The following DLAT variants were observed in gnomAD, a reference collection of about 807,000 sequenced individuals.
DLAT encodes dihydrolipoyllysine-residue acetyltransferase component of pyruvate dehydrogenase complex, mitochondrial.
Under a neutral mutation model 68.0 loss-of-function variants are expected in DLAT, and 43 were observed. The ratio of observed to expected loss-of-function variants is 0.63; its 90% confidence interval spans 0.50 to 0.81. DLAT has a LOEUF of 0.81. DLAT is among the 40% of genes least tolerant of loss of function. The pLI, the probability that DLAT is intolerant of heterozygous loss-of-function variation, is 0.00. For missense variants in DLAT, 745 were observed against 815.4 expected (o/e 0.91, Z 1.05); for synonymous variants, 265 against 288.6 (o/e 0.92, Z 0.83).
Position 112,039,287 on chromosome 11 carries a change from C to G in DLAT, c.1019C>G (p.Pro340Arg). 3.1e-6 allele frequency: 5 copies of G among 1,614,078 alleles called. No homozygotes were observed. The highest frequency in any genetic ancestry group is 4.2e-6 in the Non-Finnish European group (5 of 1,180,012). ...PPTPQPLAPT[P>R]SAPCPATPAG... The stretch of plus-strand genomic sequence containing the variant: ...ACTCCCCAGCCTTTAGCTCCTACAC[C>G]TTCAGCACCCTGCCCAGCTACTCCT... The change falls in exon 7 of 14, where the codon CCT becomes CGT. Residue 340 changes from proline to arginine, a missense_variant. By Grantham distance (103) the Pro-to-Arg change is moderately radical. Coordinates refer to ENST00000280346, the MANE Select transcript of DLAT (RefSeq NM_001931.5).
chr11:112,044,378 A>G (rs1466035399), intron 8 of DLAT, among the ~76,000 whole-genome samples: 1 of 152,118 alleles, frequency 6.6e-6, no homozygotes, highest in African/African-American at 2.4e-5. Context: ...TATGTTTAGT[A>G]GAGACAGGGT....
Position 112,051,251 on chromosome 11 carries a change from C to T in DLAT, c.1416C>T (p.Ser472=), listed in dbSNP as rs782100801. ...CTTTCCAGATATTAGAAGGGAGAAG[C>T]AAAATTTCTGTCAATGACTTCATCA... The part of the protein sequence containing the change: ...KELNKILEGR[S]KISVNDFIIK... The change falls in exon 11 of 14, where the codon AGC becomes AGT. Residue 472 remains serine, a synonymous_variant. Transcript: ENST00000280346. The surrounding 1 kb of genome is among the most constrained non-coding windows in gnomAD (Gnocchi z 4.3). 3.7e-6 allele frequency: 6 copies of T among 1,611,890 alleles called. No individual in the cohort carries two copies. In the South Asian group the frequency reaches 6.6e-5, roughly 18 times the overall value.
At chr11:112,057,766 T>C (rs1864190090) in intron 11 of DLAT, among the ~76,000 whole-genome samples, 1 of 150,790 alleles carries the variant, frequency 6.6e-6, no homozygotes, top group Non-Finnish European at 1.5e-5. Flanking sequence ...ATTCAGAAGA[T>C]ACAGCTAAGA....
intron 11 of DLAT, among the ~76,000 whole-genome samples, chr11:112,059,205 C>T (rs1283090908): frequency 6.6e-6 from 1 of 152,174 alleles, no homozygotes; most frequent in Admixed American, 6.5e-5. Flanking sequence ...GACTCAACTG[C>T]AGCCAATGTA....
At chr11:112,027,800 T>C (rs1288223019) in intron 2 of DLAT, among the ~76,000 whole-genome samples, 1 of 151,504 alleles carries the variant, frequency 6.6e-6, no homozygotes, top group Non-Finnish European at 1.5e-5. Context: ...CTCAGCAGGC[T>C]GAGGCAGGAG....
intron 11 of DLAT, among the ~76,000 whole-genome samples, chr11:112,057,662 C>T (rs1358852884): frequency 6.6e-6 from 1 of 152,108 alleles, no homozygotes; most frequent in Admixed American, 6.5e-5. Context: ...GAGGAAGCCG[C>T]GTAACAGAAG....
At chr11:112,031,139 C>CA (rs1326588109) in intron 4 of DLAT, among the ~76,000 whole-genome samples, 4 of 152,040 alleles carry the variant, frequency 2.6e-5, no homozygotes, top group Non-Finnish European at 5.9e-5. Context: ...AAATTCTGCA[C>CA]AAAAAAAGCA....
At chr11:112,049,342 T>C (rs1863493076) in intron 10 of DLAT, among the ~76,000 whole-genome samples, 1 of 152,226 alleles carries the variant, frequency 6.6e-6, no homozygotes, top group Non-Finnish European at 1.5e-5. Flanking sequence ...ATCCGAAGAA[T>C]ATAGTCTTTT....
At position 112,064,296 on chromosome 11, in the gene DLAT, A is replaced by G. The variant is rs1864820473; in HGVS notation, c.*1761A>G. 2 of 1,289,374 alleles carry G rather than the reference A, an allele frequency of 1.6e-6. No homozygotes were observed. The highest frequency in any genetic ancestry group is 2.1e-6 in the Non-Finnish European group (2 of 952,364). The allele number at this position is 1,289,374 out of a possible 1,614,324, so 79.9% of individuals were successfully genotyped here. A position where few individuals can be genotyped will look rare whatever the true frequency, so the allele number is the denominator to read the frequency against. ...AAAATTAATCTGAGCTATAATCTAA[A>G]TCGATTCAGTCTCTTACCAGAACTG... On this transcript the variant is annotated 3_prime_UTR_variant, in exon 14 of 14. Coordinates refer to ENST00000280346, the MANE Select transcript of DLAT (RefSeq NM_001931.5).
intron 11 of DLAT, among the ~76,000 whole-genome samples, chr11:112,054,759 G>C (rs1376021927): frequency 6.6e-6 from 1 of 152,214 alleles, no homozygotes; most frequent in Admixed American, 6.5e-5. Context: ...CGGGAAACAA[G>C]TCTGAAATCA....
chr11:112,029,546 A>G (rs781809005), intron 4 of DLAT, among the ~76,000 whole-genome samples: 1 of 152,058 alleles, frequency 6.6e-6, no homozygotes. Context: ...CCCTTAACTC[A>G]TTACCATGGG....
chr11:112,046,818 A>G (rs491144), intron 10 of DLAT, among the ~76,000 whole-genome samples: 2 of 152,124 alleles, frequency 1.3e-5, no homozygotes, highest in Non-Finnish European at 1.5e-5. Context: ...TTATGGCTGC[A>G]TAGTATTCCA....
chr11:112,054,320 AAAT>A (rs147731397), intron 11 of DLAT, among the ~76,000 whole-genome samples: 6,797 of 151,928 alleles, frequency 0.045, 431 homozygotes, highest in African/African-American at 0.14. Context: ...ACTGCATTTC[AAAT>A]AATAATAATA....
intron 11 of DLAT, among the ~76,000 whole-genome samples, chr11:112,053,967 C>A (rs1229886228): frequency 6.6e-6 from 1 of 152,048 alleles, no homozygotes; most frequent in Non-Finnish European, 1.5e-5. Context: ...TACATACACA[C>A]ACATAACACC....
In DLAT at chr11:112,052,604, C is replaced by T. The variant is rs200379738; in HGVS notation, c.1514+1255C>T. ...GTGGTGCAGAGCTTCCATGTCCTTT[C>T]TGGGCATACCACCCTTCCAGCACTT... On this transcript the variant is annotated intron_variant, in intron 11 of 13. Transcript: ENST00000280346. 9.9e-5 allele frequency among the ~76,000 whole-genome samples: 15 copies of T among 152,200 alleles called. No individual in the cohort carries two copies. In the East Asian group the frequency reaches 2.7e-3, roughly 27 times the overall value.
At position 112,063,585 on chromosome 11, in the gene DLAT, A is replaced by T. The variant is rs1864773059; in HGVS notation, c.*1050A>T. On this transcript the variant is annotated 3_prime_UTR_variant, in exon 14 of 14. Transcript: ENST00000280346. Reference sequence around the variant, plus strand: ...AAACAAAATGGTAATTTCTACTTTGATAAAGTAAAAAAGTTAAATGTGTGT... The same window carrying T: ...AAACAAAATGGTAATTTCTACTTTGTTAAAGTAAAAAAGTTAAATGTGTGT... The T allele has an allele frequency of 6.6e-6, 1 of 152,524 alleles. No homozygotes were observed. The highest frequency in any genetic ancestry group is 1.5e-5 in the Non-Finnish European group (1 of 68,006). 9.4% of individuals were successfully genotyped at this position (152,524 alleles called of 1,614,324 possible). A position where few individuals can be genotyped will look rare whatever the true frequency, so the allele number is the denominator to read the frequency against.
At chr11:112,055,619 C>T (rs1256768953) in intron 11 of DLAT, among the ~76,000 whole-genome samples, 2 of 152,050 alleles carry the variant, frequency 1.3e-5, no homozygotes, top group Non-Finnish European at 2.9e-5. Context: ...TGTTACTGAA[C>T]ATACCTTTCA....
At chr11:112,045,352 T>G in intron 9 of DLAT, 122 bp downstream of exon 9, 1 of 879,040 alleles carries the variant, frequency 1.1e-6, no homozygotes, top group Non-Finnish European at 1.9e-6. Flanking sequence ...GATGATTACT[T>G]TAAGGGAAGT....
chr11:112,028,662 G>T, intron 3 of DLAT, 23 bp downstream of exon 3: 1 of 1,614,152 alleles, frequency 6.2e-7, no homozygotes, highest in Non-Finnish European at 8.5e-7. Flanking sequence ...CTCATAATTT[G>T]TGGAACTTCA....
Sources: allele counts gnomAD v4.1 joint callset (sites outside exome capture counted in the v4.1 genomes callset), GRCh38; gene constraint gnomAD v4.1.1; non-coding constraint Gnocchi (gnomAD v3.1); transcripts MANE v1.5; gene names NCBI Gene and HGNC (gene_info 2026-07-23, HGNC 2026-07-21).